The following APOB variants were observed in gnomAD, a reference collection of about 807,000 sequenced individuals.
APOB encodes the protein apolipoprotein B-100.
A neutral mutation model predicts 314.1 loss-of-function variants in APOB; 153 were observed. That is an observed-to-expected ratio of 0.49 (90% confidence interval 0.43 to 0.56). The LOEUF (loss-of-function observed/expected upper bound fraction) is 0.56, where lower values mean the gene tolerates loss of function less well. Ranked by LOEUF, APOB falls within the 20% of genes least tolerant of loss-of-function variation. The pLI, the probability that APOB is intolerant of heterozygous loss-of-function variation, is 0.00. For missense variants in APOB, 5,430 were observed against 5,350.7 expected (o/e 1.01, Z -0.46); for synonymous variants, 2,087 against 2,036.4 (o/e 1.02, Z -0.67).
At position 21,002,017 on chromosome 2, in the gene APOB, G is replaced by T; in HGVS notation, c.13405C>A (p.Leu4469Ile). 3.1e-6 allele frequency: 5 copies of T among 1,614,012 alleles called. No homozygotes were observed. The highest frequency in any genetic ancestry group is 4.2e-6 in the Non-Finnish European group (5 of 1,179,988). Reference protein sequence around the residue: ...DGKGKEKIAELSATAQEIIKS... With the variant: ...DGKGKEKIAEISATAQEIIKS... ...ATTATTTCCTGAGCAGTGGCAGAAAGCTCTGCAATCTTCTCTTTCCCTTTT... is the reference window on the plus strand; with the variant it reads ...ATTATTTCCTGAGCAGTGGCAGAAATCTCTGCAATCTTCTCTTTCCCTTTT... Residue 4469 changes from leucine to isoleucine, a missense_variant, in exon 29 of 29, where the codon CTT becomes ATT. Transcript: ENST00000233242.
chr2:21,008,272 T>A lies in APOB; in HGVS notation c.8596A>T (p.Thr2866Ser). The change falls in exon 26 of 29, where the codon ACA becomes TCA. Residue 2866 changes from threonine (T) to serine (S), a missense_variant. Coordinates refer to ENST00000233242, the MANE Select transcript of APOB (RefSeq NM_000384.3). ...ATCACTCCATTACTAAGCTCCAGTGTATTTTTTTCTGTGTGTAAACTTGCC... is the reference window on the plus strand; with the variant it reads ...ATCACTCCATTACTAAGCTCCAGTGAATTTTTTTCTGTGTGTAAACTTGCC... Reference protein sequence around the residue: ...TVASLHTEKNTLELSNGVIVK... With the variant: ...TVASLHTEKNSLELSNGVIVK... The A allele has an allele frequency of 2.5e-6, 4 of 1,613,982 alleles. No individual in the cohort carries two copies. The highest frequency in any genetic ancestry group is 3.4e-6 in the Non-Finnish European group (4 of 1,179,916).
chr2:21,006,319 C>T lies in APOB; in HGVS notation c.10549G>A (p.Ala3517Thr), dbSNP rs573670976. 8 of 1,614,010 alleles carry T rather than the reference C, an allele frequency of 5.0e-6. No homozygotes were observed. In the African/African-American group the frequency reaches 8.0e-5, roughly 16 times the overall value. ...REYSGTIASEANTYLNSKSTR... is the reference protein window; with the variant it reads ...REYSGTIASETNTYLNSKSTR... Reference sequence around the variant, plus strand: ...CTCTTGGAATTCAAGTAAGTGTTGGCCTCACTAGCAATAGTTCCTGAATAT... The same window carrying T: ...CTCTTGGAATTCAAGTAAGTGTTGGTCTCACTAGCAATAGTTCCTGAATAT... The change falls in exon 26 of 29, where the codon GCC (alanine) becomes ACC (threonine). Residue 3517 changes from alanine to threonine, a missense_variant. This residue lies in a region of APOB where 3,281 missense variants were observed against 3,171.0 expected (regional missense o/e 1.03). Transcript: ENST00000233242.
At position 21,005,753 on chromosome 2, in the gene APOB, T is replaced by C. The variant is rs1442312741; in HGVS notation, c.11115A>G (p.Ser3705=). ...SIGRRQHLRV[S]TAFVYTKNPN... ...GGTTTTTGGTGTACACAAAGGCAGT[T>C]GAAACACGAAGATGCTGTCTCCTAC... is the stretch of plus-strand genomic sequence containing the variant. Residue 3705 remains serine (S), a synonymous_variant, in exon 26 of 29, where the codon TCA becomes TCG. Coordinates refer to ENST00000233242, the MANE Select transcript of APOB (RefSeq NM_000384.3). The C allele has an allele frequency of 1.7e-5, 27 of 1,613,936 alleles. No homozygotes were observed. Among genetic ancestry groups the C allele is most frequent in the Non-Finnish European group, 2.2e-5 (26 of 1,179,948 alleles).
rs548384215 is a variant in APOB at position 21,021,371 on chromosome 2, C to T, written c.2816+1460G>A. Among the ~76,000 whole-genome samples, 7 of 152,324 alleles carry T rather than the reference C, an allele frequency of 4.6e-5. No individual in the cohort carries two copies. The East Asian group carries it at 1.4e-3, about 29-fold the overall frequency. ...CTGCAGGCCATTATCAGCTCTTAGC[C>T]ACATAGGATCGTAAGAGATGTCCAA... is the stretch of plus-strand genomic sequence containing the variant. On this transcript the variant is annotated intron_variant, in intron 18 of 28. Coordinates refer to ENST00000233242, the MANE Select transcript of APOB (RefSeq NM_000384.3).
intron 13 of APOB, 39 bp from the exon 14 acceptor site, chr2:21,028,104 GTTA>G (rs1663784365): frequency 1.4e-6 from 2 of 1,420,828 alleles, no homozygotes; most frequent in East Asian, 4.6e-5. Flanking sequence ...GACACACCAT[GTTA>G]TTATCCTTTG....
intron 4 of APOB, among the ~76,000 whole-genome samples, chr2:21,039,144 G>C (rs1239990949): frequency 6.6e-6 from 1 of 152,034 alleles, no homozygotes; most frequent in Non-Finnish European, 1.5e-5. Flanking sequence ...TGTGTCAAAG[G>C]GTATTAAGTA....
intron 6 of APOB, among the ~76,000 whole-genome samples, chr2:21,036,097 G>A (rs1410179582): frequency 1.3e-5 from 2 of 152,090 alleles, no homozygotes; most frequent in African/African-American, 2.4e-5. Context: ...AATGTTGCCC[G>A]CTGAGCTACA....
At position 21,028,415 on chromosome 2, in the gene APOB, G is replaced by T; in HGVS notation, c.1741C>A (p.Leu581Ile). 1 of 1,614,142 alleles carries T rather than the reference G, an allele frequency of 6.2e-7. No individual in the cohort carries two copies. Among genetic ancestry groups the T allele is most frequent in the South Asian group, 1.1e-5 (1 of 91,072 alleles). The change falls in exon 13 of 29, where the codon CTA becomes ATA. Residue 581 changes from leucine to isoleucine, a missense_variant. Coordinates refer to ENST00000233242, the MANE Select transcript of APOB (RefSeq NM_000384.3). ...ACTTGCTCATTCTGTTCCCATGGTA[G>T]AATTTGGACAATTTTGTTAATATCT... ...QADINKIVQILPWEQNEQVKN... is the reference protein window; with the variant it reads ...QADINKIVQIIPWEQNEQVKN...
chr2:21,016,693 C>G lies in APOB; in HGVS notation c.3122-44G>C, dbSNP rs768419372. The G allele has an allele frequency of 2.2e-6, 3 of 1,382,686 alleles. No individual in the cohort carries two copies. In the East Asian group the frequency reaches 6.8e-5, roughly 32 times the overall value. 85.7% of individuals were successfully genotyped at this position (1,382,686 alleles called of 1,614,324 possible). On this transcript the variant is annotated intron_variant, in intron 20 of 28. Coordinates refer to ENST00000233242, the MANE Select transcript of APOB (RefSeq NM_000384.3). ...GAATCAAGAGATGTGTGGTAAGAAG[C>G]TATGTTTTGGGCCGGGTGCGGTGGC...
At chr2:21,041,129 G>C in intron 3 of APOB, 46 bp from the exon 4 acceptor site, 1 of 1,594,784 alleles carries the variant, frequency 6.3e-7, no homozygotes, top group Non-Finnish European at 8.5e-7. Flanking sequence ...TATCAAGAAT[G>C]AGAGGTGGCC....
Position 21,006,195 on chromosome 2 carries a change from C to T in APOB, c.10673G>A (p.Arg3558His), listed in dbSNP as rs762035088. The T allele has an allele frequency of 8.1e-6, 13 of 1,613,884 alleles. No homozygotes were observed. Among genetic ancestry groups the T allele is most frequent in the Middle Eastern group, 1.6e-4 (1 of 6,084 alleles). Reference protein sequence around the residue: ...ENFAGEATLQRIYSLWEHSTK... With the variant: ...ENFAGEATLQHIYSLWEHSTK... ...ACTGTGCTCCCAGAGGGAATATATG[C>T]GTTGGAGTGTGGCTTCTCCAGCAAA... Residue 3558 changes from arginine (R) to histidine (H), a missense_variant, in exon 26 of 29, where the codon CGC becomes CAC. Transcript: ENST00000233242.
chr2:21,007,093 C>T lies in APOB; in HGVS notation c.9775G>A (p.Glu3259Lys). 1.9e-6 allele frequency: 3 copies of T among 1,614,014 alleles called. No individual in the cohort carries two copies. The highest frequency in any genetic ancestry group is 2.5e-6 in the Non-Finnish European group (3 of 1,179,946). Residue 3259 changes from glutamate (E) to lysine (K), a missense_variant, in exon 26 of 29, where the codon GAA becomes AAA. Around this residue, in one of 3 missense-constraint regions of APOB, gnomAD observed 3,281 missense variants for 3,171.0 expected, o/e 1.03. Coordinates refer to ENST00000233242, the MANE Select transcript of APOB (RefSeq NM_000384.3). ...PGYTVPVVNVEVSPFTIEMSA... is the reference protein window; with the variant it reads ...PGYTVPVVNVKVSPFTIEMSA... The stretch of plus-strand genomic sequence containing the variant: ...ATCTCTATGGTGAATGGAGACACTT[C>T]AACATTGACAACTGGAACAGTGTAT...
chr2:21,039,613 T>C (rs186354050), intron 4 of APOB, among the ~76,000 whole-genome samples: 13 of 152,364 alleles, frequency 8.5e-5, no homozygotes, highest in Admixed American at 2.0e-4. Context: ...CTGATCACCA[T>C]ACATTACATG....
Position 21,007,820 on chromosome 2 carries a change from C to A in APOB, c.9048G>T (p.Glu3016Asp). ...GMALFGEGKA[E>D]FTGRHDAHLN... ...AATGAGCATCATGCCTCCCAGTAAACTCTGCCTTCCCTTCTCCAAACAGTG... is the reference window on the plus strand; with the variant it reads ...AATGAGCATCATGCCTCCCAGTAAAATCTGCCTTCCCTTCTCCAAACAGTG... The change falls in exon 26 of 29, where the codon GAG becomes GAT. Residue 3016 changes from glutamate (E) to aspartate (D), a missense_variant. Around this residue, in one of 3 missense-constraint regions of APOB, gnomAD observed 3,281 missense variants for 3,171.0 expected, o/e 1.03. Transcript: ENST00000233242. 1 of 1,614,112 alleles carries A rather than the reference C, an allele frequency of 6.2e-7. No homozygotes were observed. Among genetic ancestry groups the A allele is most frequent in the Non-Finnish European group, 8.5e-7 (1 of 1,179,958 alleles).
intron 15 of APOB, among the ~76,000 whole-genome samples, chr2:21,025,574 GAGA>G (rs565461949): frequency 2.1e-3 from 312 of 152,170 alleles, no homozygotes; most frequent in African/African-American, 7.1e-3. Flanking sequence ...TCTTCTCAGA[GAGA>G]AGAAGAATCT....
intron 14 of APOB, among the ~76,000 whole-genome samples, chr2:21,027,306 A>ATTTTTTTTTTTTTTTTTTTTTTTTTTTTT (rs71391771): frequency 9.4e-6 from 1 of 105,884 alleles, no homozygotes. Context: ...TTGCATTTCA[A>ATTTTTTTTTTTTTTTTTTTTTTTTTTTTT]TTTTTTTTTT....
chr2:21,002,184 T>G lies in APOB; in HGVS notation c.13238A>C (p.Asn4413Thr), dbSNP rs1663000544. The G allele has an allele frequency of 6.2e-7, 1 of 1,613,972 alleles. No individual in the cohort carries two copies. Among genetic ancestry groups the G allele is most frequent in the Non-Finnish European group, 8.5e-7 (1 of 1,179,930 alleles). Residue 4413 changes from asparagine (N) to threonine (T), a missense_variant, in exon 29 of 29, where the codon AAC (asparagine) becomes ACC (threonine). Coordinates refer to ENST00000233242, the MANE Select transcript of APOB (RefSeq NM_000384.3). ...GAAGTCCTTAAGAGCAACTAACAGG[T>G]TCTTGATCAGACTGACTATCTTTTC... is the stretch of plus-strand genomic sequence containing the variant. The part of the protein sequence containing the change: ...LEEKIVSLIK[N>T]LLVALKDFHS...
At chr2:21,027,094 G>A (rs1295134196) in intron 14 of APOB, 130 bp from the exon 15 acceptor site, 2 of 820,626 alleles carry the variant, frequency 2.4e-6, no homozygotes, top group Non-Finnish European at 4.1e-6. Flanking sequence ...GCTGACCTTA[G>A]CATTTCACAG....
At chr2:21,032,286 A>G (rs1663898744) in intron 10 of APOB, 68 bp downstream of exon 10, 4 of 1,395,172 alleles carry the variant, frequency 2.9e-6, no homozygotes, top group African/African-American at 2.8e-5. Flanking sequence ...CAGTTTTAAT[A>G]CAGAGATGCA....
Sources: gnomAD v4.1 joint callset for allele counts (sites outside exome capture counted in the v4.1 genomes callset) on GRCh38, gnomAD v4.1.1 for gene constraint, gnomAD v4.1.1 regional missense constraint, MANE v1.5 for transcripts, NCBI Gene and HGNC (gene_info 2026-07-23, HGNC 2026-07-21) for gene names.